Variants in H2BC4 observed in about 807,000 individuals in gnomAD.
The protein encoded by H2BC4 is histone H2B type 1-C/E/F/G/I.
H2BC4 carries 10 observed loss-of-function variants against 6.2 expected under a neutral mutation model. That is an observed-to-expected ratio of 1.61 (90% confidence interval 0.99 to 2.73). The LOEUF (loss-of-function observed/expected upper bound fraction) is 2.73, where lower values mean the gene tolerates loss of function less well. Among genes scored for constraint, H2BC4 ranks in the 30% most tolerant of loss-of-function variants. The probability of loss-of-function intolerance (pLI) is 0.00; values close to 1 mark genes in which losing one functional copy is unlikely to be tolerated. For missense variants in H2BC4, 176 were observed against 168.7 expected, an observed-to-expected ratio of 1.04 and a Z score of -0.24; for synonymous variants, 146 against 70.7, an observed-to-expected ratio of 2.07 and a Z score of -5.35.
downstream of H2BC4, among the ~76,000 whole-genome samples, chr6:26,121,945 C>A (rs938793319): frequency 1.3e-5 from 2 of 151,524 alleles, no homozygotes; most frequent in African/African-American, 4.9e-5. Flanking sequence ...CCCAGCTACT[C>A]CGGAGGCTGA....
downstream of H2BC4, among the ~76,000 whole-genome samples, chr6:26,122,991 T>C (rs1763525823): frequency 6.6e-6 from 1 of 152,154 alleles, no homozygotes; most frequent in Non-Finnish European, 1.5e-5. Flanking sequence ...ACTACGAAGG[T>C]GTGCGCCACG....
At chr6:26,119,577 G>C (rs966859516), downstream of H2BC4, among the ~76,000 whole-genome samples, 1 of 151,560 alleles carries the variant, frequency 6.6e-6, no homozygotes, top group African/African-American at 2.4e-5. Context: ...ATTTAATTTG[G>C]TTCAATGAAT....
At chr6:26,122,417 T>C (rs897470540), downstream of H2BC4, among the ~76,000 whole-genome samples, 6 of 152,198 alleles carry the variant, frequency 3.9e-5, no homozygotes, top group Non-Finnish European at 7.3e-5. Context: ...AATAAAAAGA[T>C]AGGTAGACTA....
intron 1 of H2BC4, among the ~76,000 whole-genome samples, chr6:26,117,562 G>C (rs1301200488): frequency 6.6e-6 from 1 of 152,068 alleles, no homozygotes; most frequent in Non-Finnish European, 1.5e-5. Flanking sequence ...ACCACGTCTG[G>C]AACTAGTGTT....
chr6:26,121,681 A>G (rs746473866), downstream of H2BC4, among the ~76,000 whole-genome samples: 1 of 152,018 alleles, frequency 6.6e-6, no homozygotes, highest in Non-Finnish European at 1.5e-5. Context: ...GGTTACACTG[A>G]TTAGTTAGTT....
At chr6:26,123,313 C>T, downstream of H2BC4, 1 of 882,052 alleles carries the variant, frequency 1.1e-6, no homozygotes, top group South Asian at 2.0e-5. Flanking sequence ...ACCCCAAAGC[C>T]ATTTTTAATG....
rs114182342 is a variant in H2BC4 at position 26,123,877 on chromosome 6, C to T, written c.28G>A (p.Ala10Thr). 3.1e-6 allele frequency: 5 copies of T among 1,614,100 alleles called. No homozygotes were observed. Among genetic ancestry groups the T allele is most frequent in the Admixed American group, 1.7e-5 (1 of 60,002 alleles). Residue 10 changes from alanine to threonine, a missense_variant, in exon 1 of 1, where the codon GCC (alanine) becomes ACC (threonine). Transcript: ENST00000396984. Reference sequence around the variant, plus strand: ...GCCTTCTTGGAGCCCTTCTTCGGGGCGGGAGCAGACTTGGCTGGCTCAGGC... The same window carrying T: ...GCCTTCTTGGAGCCCTTCTTCGGGGTGGGAGCAGACTTGGCTGGCTCAGGC... MPEPAKSAP[A>T]PKKGSKKAVT...
chr6:26,123,727 T>C lies in H2BC4; in HGVS notation c.178A>G (p.Met60Val), dbSNP rs2113800038. The change falls in exon 1 of 1, where the codon ATG becomes GTG. Residue 60 changes from methionine (M) to valine (V), a missense_variant. Physicochemically the swap from Met to Val is conservative, Grantham distance 21. Coordinates refer to ENST00000396984, the MANE Select transcript of H2BC4 (RefSeq NM_003526.3). The part of the protein sequence containing the change: ...HPDTGISSKA[M>V]GIMNSFVNDI... ...TTAACGAAAGAATTCATGATGCCCATGGCCTTGGAAGAGATGCCAGTGTCG... is the reference window on the plus strand; with the variant it reads ...TTAACGAAAGAATTCATGATGCCCACGGCCTTGGAAGAGATGCCAGTGTCG... The C allele has an allele frequency of 3.1e-6, 5 of 1,614,276 alleles. No homozygotes were observed. Among genetic ancestry groups the C allele is most frequent in the Admixed American group, 1.7e-5 (1 of 60,034 alleles).
At position 26,123,674 on chromosome 6, in the gene H2BC4, C is replaced by G. The variant is rs1309104223; in HGVS notation, c.231G>C (p.Glu77Asp). Reference sequence around the variant, plus strand: ...TGTTGTAATGCGCCAGGCGGGAAGCCTCGCCCGCGATGCGCTCAAATATGT... The same window carrying G: ...TGTTGTAATGCGCCAGGCGGGAAGCGTCGCCCGCGATGCGCTCAAATATGT... ...VNDIFERIAG[E>D]ASRLAHYNKR... The change falls in exon 1 of 1, where the codon GAG becomes GAC. Residue 77 changes from glutamate (E) to aspartate (D), a missense_variant. Glu to Asp is a conservative substitution (Grantham distance 45). Coordinates refer to ENST00000396984, the MANE Select transcript of H2BC4 (RefSeq NM_003526.3). The G allele has an allele frequency of 6.2e-7, 1 of 1,614,284 alleles. No homozygotes were observed. The highest frequency in any genetic ancestry group is 8.5e-7 in the Non-Finnish European group (1 of 1,180,058).
At chr6:26,115,520 T>C (rs938501328) in intron 1 of H2BC4, among the ~76,000 whole-genome samples, 99 of 152,284 alleles carry the variant, frequency 6.5e-4, no homozygotes, top group African/African-American at 2.2e-3. Context: ...TGATCTAAAC[T>C]TGAAGGATAA....
chr6:26,114,036 T>C (rs1248539032), downstream of H2BC4, among the ~76,000 whole-genome samples: 1 of 152,150 alleles, frequency 6.6e-6, no homozygotes, highest in African/African-American at 2.4e-5. Flanking sequence ...TTGGGGTTTA[T>C]GGCTTCAATA....
At chr6:26,121,389 C>A (rs574731444), downstream of H2BC4, among the ~76,000 whole-genome samples, 4 of 152,140 alleles carry the variant, frequency 2.6e-5, no homozygotes, top group South Asian at 8.3e-4. Context: ...CATGCAAAAG[C>A]CAAAGGAAAG....
At chr6:26,117,200 C>T (rs998054216) in intron 1 of H2BC4, among the ~76,000 whole-genome samples, 85 of 152,120 alleles carry the variant, frequency 5.6e-4, no homozygotes, top group African/African-American at 1.8e-3. Context: ...TTATGAAATT[C>T]TTATAATTTA....
downstream of H2BC4, chr6:26,123,284 A>G (rs1358657585): frequency 4.5e-6 from 3 of 665,120 alleles, no homozygotes; most frequent in Non-Finnish European, 7.0e-6. Context: ...TCCATTTTAA[A>G]TTTAAGCACA....
chr6:26,118,727 T>C (rs1763457370), downstream of H2BC4, among the ~76,000 whole-genome samples: 1 of 152,246 alleles, frequency 6.6e-6, no homozygotes, highest in South Asian at 2.1e-4. Flanking sequence ...GGTCTTTTAA[T>C]GAATCTCAGA....
downstream of H2BC4, among the ~76,000 whole-genome samples, chr6:26,118,923 A>T (rs1478697615): frequency 6.6e-6 from 1 of 152,196 alleles, no homozygotes; most frequent in Non-Finnish European, 1.5e-5. Context: ...TATGAATATA[A>T]ATCATGGCTA....
At chr6:26,123,279 T>C (rs992606749), downstream of H2BC4, 1 of 645,558 alleles carries the variant, frequency 1.5e-6, no homozygotes, top group African/African-American at 1.9e-5. Flanking sequence ...TTGTCTCCAT[T>C]TTAAATTTAA....
downstream of H2BC4, among the ~76,000 whole-genome samples, chr6:26,113,886 AATT>A (rs1029650445): frequency 6.6e-6 from 1 of 151,332 alleles, no homozygotes; most frequent in Non-Finnish European, 1.5e-5. Flanking sequence ...CTTTTAAATA[AATT>A]ATTTAATTTG....
intron 1 of H2BC4, among the ~76,000 whole-genome samples, chr6:26,117,284 T>C (rs1203161479): frequency 1.3e-5 from 2 of 152,216 alleles, no homozygotes; most frequent in African/African-American, 4.8e-5. Context: ...AAGATGGTTA[T>C]AAATAAAATT....
Sources: allele counts gnomAD v4.1 joint callset (sites outside exome capture counted in the v4.1 genomes callset), GRCh38; gene constraint gnomAD v4.1.1; transcripts MANE v1.5; gene names NCBI Gene and HGNC (gene_info 2026-07-23, HGNC 2026-07-21).